DHX34: variants seen among roughly 807,000 people sequenced by gnomAD.
DHX34 encodes DExH-box helicase 34.
A neutral mutation model predicts 111.1 loss-of-function variants in DHX34; 96 were observed. The ratio of observed to expected loss-of-function variants is 0.86; its 90% CI spans 0.73 to 1.02. The LOEUF (loss-of-function observed/expected upper bound fraction) is 1.02. Ranked by LOEUF, DHX34 falls within the 50% of genes least tolerant of loss-of-function variation. The pLI is 0.00. For synonymous variants in DHX34, 688 were observed against 670.4 expected (o/e 1.03, Z -0.41); for missense variants, 1,560 against 1,579.9 (o/e 0.99, Z 0.21).
intron 13 of DHX34, 185 bp from the exon 14 acceptor site, chr19:47,379,525 G>A (rs1430867491): frequency 1.3e-5 from 12 of 957,618 alleles, no homozygotes; most frequent in South Asian, 9.6e-5. Context: ...CTCAGCGGCT[G>A]CCTTGTTCAT....
In DHX34 at chr19:47,375,497, G is replaced by T; in HGVS notation, c.2096G>T (p.Gly699Val). The T allele has an allele frequency of 6.3e-7, 1 of 1,578,286 alleles. No individual in the cohort carries two copies. The highest frequency in any genetic ancestry group is 1.1e-5 in the South Asian group (1 of 87,518). Residue 699 changes from glycine to valine, a missense_variant, in exon 10 of 17, where the codon GGG (glycine) becomes GTG (valine). Coordinates refer to ENST00000328771, the MANE Select transcript of DHX34 (RefSeq NM_014681.6). Reference protein sequence around the residue: ...ELLEDHGLLAGAQAAQVGDSY... With the variant: ...ELLEDHGLLAVAQAAQVGDSY... ...TTGGAGGACCACGGGCTGCTGGCTG[G>T]GGCCCAGGCCGCGCAGGTAGGGGAC...
At chr19:47,358,278 A>G (rs993772406) in intron 4 of DHX34, among the ~76,000 whole-genome samples, 158 bp downstream of exon 4, 2 of 152,208 alleles carry the variant, frequency 1.3e-5, no homozygotes, top group African/African-American at 4.8e-5. Flanking sequence ...GAACCCAGGT[A>G]GTCTGGCCCC....
chr19:47,349,815 G>A (rs1379024046), intron 1 of DHX34, among the ~76,000 whole-genome samples: 1 of 152,172 alleles, frequency 6.6e-6, no homozygotes, highest in Non-Finnish European at 1.5e-5. Flanking sequence ...ACGAGACACT[G>A]AATCACGGGG....
At chr19:47,365,251 T>A (rs978719081) in intron 6 of DHX34, among the ~76,000 whole-genome samples, 25 of 151,756 alleles carry the variant, frequency 1.6e-4, no homozygotes, top group African/African-American at 5.6e-4. Flanking sequence ...TTTATTTATT[T>A]ATTTATTTAT....
At chr19:47,351,960 A>G (rs1300608503) in intron 1 of DHX34, among the ~76,000 whole-genome samples, 1 of 152,138 alleles carries the variant, frequency 6.6e-6, no homozygotes, top group Non-Finnish European at 1.5e-5. Context: ...TACATATAAC[A>G]CTTGCAAAAT....
chr19:47,354,240 G>C (rs1473499678), intron 2 of DHX34, among the ~76,000 whole-genome samples: 4 of 152,182 alleles, frequency 2.6e-5, no homozygotes, highest in African/African-American at 9.7e-5. Context: ...TGGGATTACA[G>C]GTGTGAGCCA....
intron 4 of DHX34, among the ~76,000 whole-genome samples, chr19:47,358,927 T>C (rs1426320525): frequency 2.0e-5 from 3 of 152,128 alleles, no homozygotes; most frequent in Admixed American, 6.5e-5. Context: ...CCGTTAATTT[T>C]TTTTTGAATT....
intron 3 of DHX34, 128 bp from the exon 4 acceptor site, chr19:47,357,738 C>T: frequency 2.1e-6 from 3 of 1,447,974 alleles, no homozygotes; most frequent in Non-Finnish European, 2.7e-6. Context: ...TGCCCACCAG[C>T]CTGGACCCGT....
chr19:47,357,323 G>C (rs1969486051), intron 3 of DHX34, among the ~76,000 whole-genome samples: 1 of 152,224 alleles, frequency 6.6e-6, no homozygotes, highest in South Asian at 2.1e-4. Flanking sequence ...TGTGTAGCTA[G>C]CACCCAGGTT....
At chr19:47,380,666 T>C in intron 14 of DHX34, 150 bp from the exon 15 acceptor site, 1 of 1,467,110 alleles carries the variant, frequency 6.8e-7, no homozygotes, top group Non-Finnish European at 9.0e-7. Context: ...CCTGGTCATG[T>C]GTGTCTGCAG....
At chr19:47,379,639 G>A (rs578109165) in intron 13 of DHX34, 71 bp from the exon 14 acceptor site, 294 of 1,517,178 alleles carry the variant, frequency 1.9e-4, no homozygotes, top group East Asian at 1.3e-3. Context: ...GAGCCCAGCC[G>A]GGCAGGGCCT....
chr19:47,371,726 A>G (rs1179935104), intron 7 of DHX34, among the ~76,000 whole-genome samples: 1 of 152,062 alleles, frequency 6.6e-6, no homozygotes, highest in Admixed American at 6.5e-5. Context: ...CAGCCTCCCA[A>G]GTAGCTGGGA....
intron 5 of DHX34, among the ~76,000 whole-genome samples, chr19:47,361,183 C>T (rs979353267): frequency 3.9e-5 from 6 of 151,974 alleles, no homozygotes; most frequent in Admixed American, 6.6e-5. Context: ...CCCGGCTGGG[C>T]GCGGTGGCTC....
Position 47,355,283 on chromosome 19 carries a change from C to T in DHX34, c.950C>T (p.Ser317Leu), listed in dbSNP as rs146283382. ...CTCATGTCGGCCACCATCAACATCT[C>T]GCTCTTCTCCAGCTATTTCAGCAAT... The part of the protein sequence containing the change: ...VILMSATINI[S>L]LFSSYFSNAP... The change falls in exon 3 of 17, where the codon TCG becomes TTG. Residue 317 changes from serine to leucine, a missense_variant. Physicochemically the swap from Ser to Leu is moderately radical, Grantham distance 145. Transcript: ENST00000328771. The T allele has an allele frequency of 4.5e-4, 730 of 1,614,146 alleles. 1 individual carries two copies. Among genetic ancestry groups the T allele is most frequent in the Middle Eastern group, 2.3e-3 (14 of 6,062 alleles).
At chr19:47,380,792 C>T (rs377574233) in intron 14 of DHX34, 24 bp from the exon 15 acceptor site, 9 of 1,613,116 alleles carry the variant, frequency 5.6e-6, no homozygotes, top group Non-Finnish European at 7.6e-6. Context: ...TGTCTCTCTC[C>T]ATTTCCTGTC....
chr19:47,362,401 G>A (rs2122253517), intron 5 of DHX34, 75 bp from the exon 6 acceptor site: 1 of 1,417,584 alleles, frequency 7.1e-7, no homozygotes, highest in Non-Finnish European at 9.2e-7. Flanking sequence ...GTTGGCGAGT[G>A]ACAAGAGCCA....
Position 47,360,001 on chromosome 19 carries a change from T to G in DHX34, c.1306T>G (p.Cys436Gly), listed in dbSNP as rs1324055917. ...FDVAPPGVRK[C>G]ILSTNIAETS... Reference sequence around the variant, plus strand: ...TGTGGCACCCCCTGGAGTCCGGAAATGCATCCTCTCCACCAACATTGCTGA... The same window carrying G: ...TGTGGCACCCCCTGGAGTCCGGAAAGGCATCCTCTCCACCAACATTGCTGA... The change falls in exon 5 of 17, where the codon TGC becomes GGC. Residue 436 changes from cysteine (C) to glycine (G), a missense_variant. By Grantham distance (159) the Cys-to-Gly change is radical. Coordinates refer to ENST00000328771, the MANE Select transcript of DHX34 (RefSeq NM_014681.6). 5 of 1,614,008 alleles carry G rather than the reference T, an allele frequency of 3.1e-6. No homozygotes were observed. The South Asian group carries it at 5.5e-5, about 18-fold the overall frequency.
chr19:47,377,491 G>A (rs1970206724), intron 13 of DHX34, among the ~76,000 whole-genome samples: 1 of 152,204 alleles, frequency 6.6e-6, no homozygotes, highest in Admixed American at 6.5e-5. Context: ...GGCTCTAGTG[G>A]CAGGGGACAG....
chr19:47,381,818 T>G, intron 16 of DHX34, 162 bp from the exon 17 acceptor site: 1 of 967,832 alleles, frequency 1.0e-6, no homozygotes, highest in Non-Finnish European at 1.2e-6. Context: ...AAGACAGACC[T>G]GTGTATTTTT....
Sources: allele counts gnomAD v4.1 joint callset (sites outside exome capture counted in the v4.1 genomes callset), GRCh38; gene constraint gnomAD v4.1.1; transcripts MANE v1.5; gene names NCBI Gene and HGNC (gene_info 2026-07-23, HGNC 2026-07-21).